The following MAP2K4 variants were observed in gnomAD, a reference collection of about 807,000 sequenced individuals.
The protein encoded by MAP2K4 is mitogen-activated protein kinase kinase 4.
In MAP2K4, 4 loss-of-function variants were observed where a neutral mutation model predicts 48.5. The observed-to-expected ratio is 0.08, with a 90% confidence interval of 0.04 to 0.19. The LOEUF is 0.19. Ranked by LOEUF, MAP2K4 falls within the 10% of genes least tolerant of loss-of-function variation. The probability of loss-of-function intolerance (pLI) is 1.00; values close to 1 mark genes in which losing one functional copy is unlikely to be tolerated. For missense variants in MAP2K4, 258 were observed against 493.3 expected, an observed-to-expected ratio of 0.52 and a Z score of 4.52; for synonymous variants, 166 against 173.1, an observed-to-expected ratio of 0.96 and a Z score of 0.32.
intron 8 of MAP2K4, 120 bp downstream of exon 8, chr17:12,125,491 T>A: frequency 1.3e-6 from 1 of 766,270 alleles, no homozygotes; most frequent in East Asian, 2.5e-5. Context: ...CACTATGGTT[T>A]TAAGTTGCTG....
At chr17:12,075,375 G>A (rs1970967965) in intron 2 of MAP2K4, among the ~76,000 whole-genome samples, 1 of 152,064 alleles carries the variant, frequency 6.6e-6, no homozygotes. Context: ...AGAATTTGAG[G>A]GCAGTCATTG....
At chr17:12,065,294 G>GATTAT (rs1970580054) in intron 2 of MAP2K4, among the ~76,000 whole-genome samples, 1 of 50,640 alleles carries the variant, frequency 2.0e-5, no homozygotes, top group Non-Finnish European at 4.5e-5. Flanking sequence ...ATTATTATTG[G>GATTAT]TGTTTGTTGT....
rs992532031 is a variant in MAP2K4 at position 12,126,719 on chromosome 17, C to T, written c.891+1348C>T. Among the ~76,000 whole-genome samples the T allele has an allele frequency of 7.9e-5, 12 of 152,244 alleles. 1 individual carries two copies. The highest frequency in any genetic ancestry group is 2.9e-5 in the Non-Finnish European group (2 of 68,044). ...TTGCTGGGGGGTGGGGACACACAAA[C>T]ATTCAGTCTCTAGCAGTATCTTTGC... On this transcript the variant is annotated intron_variant, in intron 8 of 10. Transcript: ENST00000353533.
At chr17:12,026,526 C>A (rs1969258368) in intron 1 of MAP2K4, among the ~76,000 whole-genome samples, 4 of 152,210 alleles carry the variant, frequency 2.6e-5, no homozygotes, top group South Asian at 2.1e-4. Context: ...CTCACAACCA[C>A]CCTTTAAAGG....
intron 1 of MAP2K4, among the ~76,000 whole-genome samples, chr17:12,050,400 G>C (rs923530317): frequency 2.0e-5 from 3 of 152,188 alleles, no homozygotes; most frequent in Non-Finnish European, 2.9e-5. Context: ...GATGGAAACA[G>C]ACTTGAGGAT....
intron 9 of MAP2K4, among the ~76,000 whole-genome samples, chr17:12,129,522 G>A (rs1426527182): frequency 2.6e-5 from 4 of 152,132 alleles, no homozygotes; most frequent in Non-Finnish European, 5.9e-5. Context: ...CATGAGTGGT[G>A]GAGAGGCTGC....
intron 1 of MAP2K4, among the ~76,000 whole-genome samples, chr17:12,038,421 C>T (rs553999301): frequency 1.8e-4 from 28 of 152,140 alleles, no homozygotes; most frequent in African/African-American, 4.6e-4. Context: ...AAATCAAGTG[C>T]GTACGAACAT....
At chr17:12,140,989 T>G (rs1973360859) in intron 10 of MAP2K4, among the ~76,000 whole-genome samples, 158 bp from the exon 11 acceptor site, 1 of 152,160 alleles carries the variant, frequency 6.6e-6, no homozygotes, top group Admixed American at 6.5e-5. Flanking sequence ...CTGCATGGAA[T>G]AAAGGCTGTA....
At chr17:12,039,435 T>C (rs1362813318) in intron 1 of MAP2K4, among the ~76,000 whole-genome samples, 1 of 152,206 alleles carries the variant, frequency 6.6e-6, no homozygotes, top group Non-Finnish European at 1.5e-5. Flanking sequence ...AGTAGTGTAA[T>C]GAACCCCCAT....
intron 2 of MAP2K4, among the ~76,000 whole-genome samples, chr17:12,055,526 T>C (rs1970258666): frequency 6.6e-6 from 1 of 152,072 alleles, no homozygotes; most frequent in African/African-American, 2.4e-5. Flanking sequence ...GGCTGTACTT[T>C]TATAACCATG....
At chr17:12,036,015 A>G (rs1308063548) in intron 1 of MAP2K4, among the ~76,000 whole-genome samples, 1 of 152,190 alleles carries the variant, frequency 6.6e-6, no homozygotes, top group East Asian at 1.9e-4. Flanking sequence ...TAGCGATTAC[A>G]TATTTAATTT....
chr17:12,115,998 A>G, intron 7 of MAP2K4: 1 of 376,774 alleles, frequency 2.7e-6, no homozygotes, highest in Admixed American at 3.6e-5. Context: ...TGGCACTCTA[A>G]AAATGCAGAG....
At chr17:12,030,562 T>G (rs1969402948) in intron 1 of MAP2K4, among the ~76,000 whole-genome samples, 1 of 152,238 alleles carries the variant, frequency 6.6e-6, no homozygotes, top group Non-Finnish European at 1.5e-5. Context: ...TTTAATGTGT[T>G]AGAGCAATCA....
chr17:12,110,594 T>A (rs367837881), intron 6 of MAP2K4, 168 bp downstream of exon 6: 1 of 566,746 alleles, frequency 1.8e-6, no homozygotes, highest in South Asian at 2.5e-5. Flanking sequence ...TATTTTTTTC[T>A]TTGGGATTCA....
At chr17:12,080,561 C>T (rs1597446493) in intron 2 of MAP2K4, among the ~76,000 whole-genome samples, 1 of 152,196 alleles carries the variant, frequency 6.6e-6, no homozygotes, top group African/African-American at 2.4e-5. Flanking sequence ...TGAGTGAGCT[C>T]TTTTGTCTAC....
intron 6 of MAP2K4, 102 bp downstream of exon 6, chr17:12,110,528 A>C (rs1972270275): frequency 1.2e-6 from 1 of 816,836 alleles, no homozygotes; most frequent in Admixed American, 2.6e-5. Flanking sequence ...AACTTTCCTA[A>C]AATATTTGTA....
intron 2 of MAP2K4, among the ~76,000 whole-genome samples, chr17:12,061,304 G>A (rs1970442845): frequency 6.6e-6 from 1 of 152,138 alleles, no homozygotes; most frequent in Non-Finnish European, 1.5e-5. Flanking sequence ...TTAAAGCTTA[G>A]ATCATTGTAC....
chr17:12,092,563 T>C (rs1971596472), intron 3 of MAP2K4, among the ~76,000 whole-genome samples: 2 of 152,224 alleles, frequency 1.3e-5, no homozygotes, highest in South Asian at 4.1e-4. Context: ...TTATGTATTC[T>C]ACTTGAGTTA....
chr17:12,032,655 A>G (rs995095320), intron 1 of MAP2K4, among the ~76,000 whole-genome samples: 14 of 152,334 alleles, frequency 9.2e-5, no homozygotes, highest in Admixed American at 5.2e-4. Context: ...ATAGAGTTAT[A>G]TTCAGACATC....
Sources: allele counts gnomAD v4.1 joint callset (sites outside exome capture counted in the v4.1 genomes callset), GRCh38; gene constraint gnomAD v4.1.1; transcripts MANE v1.5; gene names NCBI Gene and HGNC (gene_info 2026-07-23, HGNC 2026-07-21).